XPR1: variants seen among roughly 807,000 people sequenced by gnomAD.
XPR1 encodes the protein xenotropic and polytropic retrovirus receptor 1, also known as solute carrier family 53 member 1.
Under a neutral mutation model 87.5 loss-of-function variants are expected in XPR1, and 28 were observed. That is an observed-to-expected ratio of 0.32 (90% CI 0.24 to 0.44). The LOEUF is 0.44. XPR1 is among the 20% of genes least tolerant of loss of function. XPR1 has a pLI of 1.00. For missense variants in XPR1, 559 were observed against 862.3 expected (o/e 0.65, Z 4.41); for synonymous variants, 300 against 306.1 (o/e 0.98, Z 0.21).
At chr1:180,883,645 G>A (rs1038813045) in intron 14 of XPR1, among the ~76,000 whole-genome samples, 6 of 148,578 alleles carry the variant, frequency 4.0e-5, no homozygotes, top group Non-Finnish European at 7.4e-5. Context: ...GGAAACGGAG[G>A]TTGCAGTGAG....
chr1:180,843,719 T>C (rs1651590967), intron 11 of XPR1, among the ~76,000 whole-genome samples: 1 of 151,644 alleles, frequency 6.6e-6, no homozygotes, highest in African/African-American at 2.4e-5. Flanking sequence ...AAAGAACACA[T>C]ATGCTTACAC....
At chr1:180,790,716 T>A (rs1201910981) in intron 3 of XPR1, among the ~76,000 whole-genome samples, 1 of 151,980 alleles carries the variant, frequency 6.6e-6, no homozygotes, top group Non-Finnish European at 1.5e-5. Context: ...ATTTTTTTTA[T>A]ATTTTTAGTA....
At chr1:180,692,261 A>G (rs1657018259) in intron 2 of XPR1, among the ~76,000 whole-genome samples, 1 of 152,032 alleles carries the variant, frequency 6.6e-6, no homozygotes, top group South Asian at 2.1e-4. Context: ...TGAGAAGACT[A>G]TACAAGGGAC....
At chr1:180,644,906 C>T (rs1655063514) in intron 1 of XPR1, among the ~76,000 whole-genome samples, 1 of 151,748 alleles carries the variant, frequency 6.6e-6, no homozygotes, top group Admixed American at 6.6e-5. Flanking sequence ...CTAGATGGTC[C>T]CATCTGGGGC....
chr1:180,818,191 A>G (rs1486424793), intron 7 of XPR1, among the ~76,000 whole-genome samples: 3 of 152,164 alleles, frequency 2.0e-5, no homozygotes, highest in Admixed American at 1.3e-4. Context: ...ATTCTTTATA[A>G]TATTTGTGGT....
intron 2 of XPR1, 61 bp from the exon 3 acceptor site, chr1:180,787,692 C>T: frequency 3.5e-6 from 4 of 1,158,660 alleles, no homozygotes; most frequent in Non-Finnish European, 3.7e-6. Context: ...GTTTTTGTTT[C>T]CTTAGTTTTC....
intron 2 of XPR1, among the ~76,000 whole-genome samples, chr1:180,746,053 A>G (rs538013057): frequency 5.9e-5 from 9 of 152,260 alleles, no homozygotes; most frequent in African/African-American, 2.2e-4. Flanking sequence ...TGGAGTCTCT[A>G]TCTGTTCCTT....
chr1:180,650,864 T>A lies in XPR1; in HGVS notation c.69+18594T>A, dbSNP rs140127808. 6.6e-3 allele frequency among the ~76,000 whole-genome samples: 1,011 copies of A among 152,334 alleles called. 7 individuals carry two copies. Among genetic ancestry groups the A allele is most frequent in the African/African-American group, 0.022 (921 of 41,574 alleles). ...TAATATTTACTTTGTAAAGTTGTGA[T>A]AATTAGATATAATATTTGAAAGTGC... On this transcript the variant is annotated intron_variant, in intron 1 of 14. Coordinates refer to ENST00000367590, the MANE Select transcript of XPR1 (RefSeq NM_004736.4).
intron 6 of XPR1, among the ~76,000 whole-genome samples, chr1:180,810,369 C>T (rs1271768233): frequency 2.0e-5 from 3 of 151,948 alleles, no homozygotes; most frequent in African/African-American, 7.3e-5. Flanking sequence ...TTGCCTGAGC[C>T]CAGGAGTTCA....
chr1:180,684,620 G>A (rs1456023732), intron 2 of XPR1, among the ~76,000 whole-genome samples: 2 of 152,256 alleles, frequency 1.3e-5, no homozygotes, highest in East Asian at 3.9e-4. Context: ...CTACCCATGA[G>A]CATGGAATGT....
intron 2 of XPR1, among the ~76,000 whole-genome samples, chr1:180,749,639 T>TCTCACACACA (rs1256087509): frequency 7.0e-6 from 1 of 142,342 alleles, no homozygotes; most frequent in African/African-American, 2.6e-5. Context: ...CACATATACA[T>TCTCACACACA]CACACACACA....
chr1:180,659,527 G>A (rs1229528282), intron 1 of XPR1, among the ~76,000 whole-genome samples: 2 of 143,242 alleles, frequency 1.4e-5, no homozygotes, highest in Non-Finnish European at 3.0e-5. Flanking sequence ...GGAGTGCAGT[G>A]GTGCAATCTC....
At chr1:180,693,685 G>A (rs1040458691) in intron 2 of XPR1, among the ~76,000 whole-genome samples, 1 of 152,102 alleles carries the variant, frequency 6.6e-6, no homozygotes, top group Admixed American at 6.5e-5. Flanking sequence ...GCTTCTGGTG[G>A]TTGCTGGCTT....
At chr1:180,727,362 A>T (rs1037266496) in intron 2 of XPR1, among the ~76,000 whole-genome samples, 2 of 152,120 alleles carry the variant, frequency 1.3e-5, no homozygotes, top group African/African-American at 4.8e-5. Flanking sequence ...CAAGTTTATT[A>T]ATATAATAAA....
chr1:180,827,630 C>T (rs1383064547), intron 9 of XPR1, among the ~76,000 whole-genome samples: 1 of 151,666 alleles, frequency 6.6e-6, no homozygotes, highest in South Asian at 2.1e-4. Flanking sequence ...GGAATAATTT[C>T]CTTCTATATT....
chr1:180,782,548 C>T (rs1258143860), intron 2 of XPR1, among the ~76,000 whole-genome samples: 4 of 151,918 alleles, frequency 2.6e-5, no homozygotes, highest in Non-Finnish European at 4.4e-5. Context: ...AGAGAGAGAA[C>T]ATACGTGTGT....
At chr1:180,786,104 C>T (rs190155841) in intron 2 of XPR1, among the ~76,000 whole-genome samples, 26 of 152,126 alleles carry the variant, frequency 1.7e-4, no homozygotes, top group African/African-American at 6.0e-4. Context: ...AGAATCAATA[C>T]AACATCCTGC....
intron 2 of XPR1, among the ~76,000 whole-genome samples, chr1:180,742,229 A>G (rs1658944605): frequency 6.6e-6 from 1 of 152,092 alleles, no homozygotes; most frequent in South Asian, 2.1e-4. Flanking sequence ...CTTAAAGTGG[A>G]AGCTTAGATT....
At chr1:180,744,078 T>G (rs1032965579) in intron 2 of XPR1, among the ~76,000 whole-genome samples, 28 of 152,196 alleles carry the variant, frequency 1.8e-4, no homozygotes, top group African/African-American at 6.5e-4. Context: ...ATTCTATTTC[T>G]TTTCCTTTGG....
Sources: gnomAD v4.1 joint callset for allele counts (sites outside exome capture counted in the v4.1 genomes callset) on GRCh38, gnomAD v4.1.1 for gene constraint, MANE v1.5 for transcripts, NCBI Gene and HGNC (gene_info 2026-07-23, HGNC 2026-07-21) for gene names.